The following SRP9 variants were observed in gnomAD, a reference collection of about 807,000 sequenced individuals.
The protein encoded by SRP9 is signal recognition particle 9 kDa protein.
In SRP9, 2 loss-of-function variants were observed where a neutral mutation model predicts 11.7. The observed-to-expected ratio is 0.17, with a 90% CI of 0.07 to 0.54. The LOEUF (loss-of-function observed/expected upper bound fraction) is 0.54. Among genes scored for constraint, SRP9 ranks in the 20% least tolerant of loss-of-function variants. The pLI is 0.94. For synonymous variants in SRP9, 27 were observed against 35.6 expected, an observed-to-expected ratio of 0.76 and a Z score of 0.86; for missense variants, 54 against 108.1, an observed-to-expected ratio of 0.50 and a Z score of 2.22.
chr1:225,782,169 T>G (rs1416261339), intron 1 of SRP9, among the ~76,000 whole-genome samples: 4 of 152,026 alleles, frequency 2.6e-5, no homozygotes, highest in Non-Finnish European at 5.9e-5. Flanking sequence ...TTATTTTATT[T>G]ATTTATTTTT....
At chr1:225,784,228 T>TC (rs1665853323) in intron 2 of SRP9, among the ~76,000 whole-genome samples, 1 of 94,572 alleles carries the variant, frequency 1.1e-5, no homozygotes, top group Non-Finnish European at 2.1e-5. Context: ...TATCACCTGT[T>TC]CTTTTTTTTT....
At chr1:225,788,414 ATTT>A (rs35284825) in intron 2 of SRP9, among the ~76,000 whole-genome samples, 9 of 127,994 alleles carry the variant, frequency 7.0e-5, no homozygotes, top group Admixed American at 1.6e-4. Flanking sequence ...GCAAATCAAG[ATTT>A]TTTTTTTTTT....
chr1:225,782,048 C>G (rs1319566701), intron 1 of SRP9, among the ~76,000 whole-genome samples: 1 of 152,038 alleles, frequency 6.6e-6, no homozygotes, highest in Non-Finnish European at 1.5e-5. Context: ...TCCATTAGCC[C>G]TTTTTATTTA....
intron 1 of SRP9, among the ~76,000 whole-genome samples, chr1:225,778,915 C>G (rs1454620391): frequency 2.0e-5 from 3 of 152,202 alleles, no homozygotes; most frequent in African/African-American, 7.2e-5. Context: ...TCAGTTATCT[C>G]TTTTATGCTG....
chr1:225,784,594 G>C (rs952555581), intron 2 of SRP9, among the ~76,000 whole-genome samples: 2 of 151,876 alleles, frequency 1.3e-5, no homozygotes, highest in Non-Finnish European at 2.9e-5. Context: ...TGTAATCCCA[G>C]CATTTTGGAA....
At chr1:225,784,000 G>GTT (rs1001266450) in intron 2 of SRP9, among the ~76,000 whole-genome samples, 8 of 145,758 alleles carry the variant, frequency 5.5e-5, no homozygotes, top group African/African-American at 1.8e-4. Flanking sequence ...TTTGCTGATT[G>GTT]TTTTTTTTTT....
At position 225,787,736 on chromosome 1, in the gene SRP9, T is replaced by C. The variant is rs1167882319; in HGVS notation, c.142-1504T>C. Reference sequence around the variant, plus strand: ...AATACTGTCTTCTATGGACCTAAAATCTTTTTCTGTCAGAAATTTCAGTGA... The same window carrying C: ...AATACTGTCTTCTATGGACCTAAAACCTTTTTCTGTCAGAAATTTCAGTGA... On this transcript the variant is annotated intron_variant, in intron 2 of 2. Coordinates refer to ENST00000304786, the MANE Select transcript of SRP9 (RefSeq NM_003133.6). Among the ~76,000 whole-genome samples, 5 of 152,194 alleles carry C rather than the reference T, an allele frequency of 3.3e-5. 1 individual carries two copies. The highest frequency in any genetic ancestry group is 6.5e-5 in the Admixed American group (1 of 15,274).
intron 2 of SRP9, among the ~76,000 whole-genome samples, chr1:225,783,674 G>A (rs1665840999): frequency 6.6e-6 from 1 of 152,194 alleles, no homozygotes; most frequent in Non-Finnish European, 1.5e-5. Flanking sequence ...GACAGTGTTT[G>A]AACACAACTT....
intron 2 of SRP9, chr1:225,786,735 A>G: frequency 8.9e-7 from 1 of 1,119,280 alleles, no homozygotes. Flanking sequence ...CCTCATCTGT[A>G]AAGTATCATA....
intron 1 of SRP9, among the ~76,000 whole-genome samples, chr1:225,779,355 A>C (rs2102645653): frequency 6.6e-6 from 1 of 152,190 alleles, no homozygotes; most frequent in African/African-American, 2.4e-5. Flanking sequence ...CATCTTGGCC[A>C]GGCTGGTCTG....
intron 1 of SRP9, among the ~76,000 whole-genome samples, chr1:225,779,627 A>G (rs183280790): frequency 6.6e-6 from 1 of 152,350 alleles, no homozygotes; most frequent in Admixed American, 6.5e-5. Context: ...TATTAGACCC[A>G]CAGAAAGACC....
intron 2 of SRP9, among the ~76,000 whole-genome samples, chr1:225,788,368 C>T (rs1665958054): frequency 6.6e-6 from 1 of 151,502 alleles, no homozygotes; most frequent in Admixed American, 6.6e-5. Context: ...ACCTGGGCCA[C>T]AGAGTGAGAC....
At position 225,777,995 on chromosome 1, in the gene SRP9, C is replaced by A. The variant is rs1217098384; in HGVS notation, c.55C>A (p.Leu19Ile). Residue 19 changes from leucine to isoleucine, a missense_variant, in exon 1 of 3, where the codon CTC becomes ATC. Leu to Ile is a conservative substitution (Grantham distance 5). Coordinates refer to ENST00000304786, the MANE Select transcript of SRP9 (RefSeq NM_003133.6). ...CAGCCGCGCTGCCGAGAAGCTTTAC[C>A]TCGCTGACCCTATGAAGGTAAATCG... is the stretch of plus-strand genomic sequence containing the variant. Reference protein sequence around the residue: ...EFSRAAEKLYLADPMKARVVL... With the variant: ...EFSRAAEKLYIADPMKARVVL... 1.2e-6 allele frequency: 2 copies of A among 1,614,254 alleles called. No homozygotes were observed. The highest frequency in any genetic ancestry group is 8.5e-7 in the Non-Finnish European group (1 of 1,180,042).
At chr1:225,779,184 G>C (rs1357302529) in intron 1 of SRP9, among the ~76,000 whole-genome samples, 1 of 146,950 alleles carries the variant, frequency 6.8e-6, no homozygotes. Flanking sequence ...TCGCACTGTC[G>C]CCCGGACTGG....
intron 1 of SRP9, among the ~76,000 whole-genome samples, chr1:225,778,726 CTT>C (rs1665735321): frequency 6.6e-6 from 1 of 152,152 alleles, no homozygotes; most frequent in Non-Finnish European, 1.5e-5. Context: ...TCGGGTCTTA[CTT>C]TTCGTCTCTT....
chr1:225,783,514 C>T (rs1042105618), intron 2 of SRP9, 146 bp downstream of exon 2: 40 of 645,968 alleles, frequency 6.2e-5, no homozygotes, highest in Non-Finnish European at 7.1e-5. Flanking sequence ...CTCATTCTAG[C>T]AGCTACTTTT....
chr1:225,784,860 A>G (rs1049010830), intron 2 of SRP9, among the ~76,000 whole-genome samples: 1 of 151,986 alleles, frequency 6.6e-6, no homozygotes, highest in African/African-American at 2.4e-5. Context: ...AAACAAAAAA[A>G]CTAGCTGCTT....
intron 1 of SRP9, among the ~76,000 whole-genome samples, chr1:225,781,696 A>G (rs1665804365): frequency 6.6e-6 from 1 of 152,162 alleles, no homozygotes; most frequent in African/African-American, 2.4e-5. Context: ...GCACCCAGCC[A>G]TGATTGGCCT....
chr1:225,778,153 C>T (rs1000955648), intron 1 of SRP9, 141 bp downstream of exon 1: 3 of 941,714 alleles, frequency 3.2e-6, no homozygotes, highest in Admixed American at 5.2e-5. Flanking sequence ...TAATGTTCTG[C>T]TCTCTCGTCC....
Sources: allele counts gnomAD v4.1 joint callset (sites outside exome capture counted in the v4.1 genomes callset), GRCh38; gene constraint gnomAD v4.1.1; transcripts MANE v1.5; gene names NCBI Gene and HGNC (gene_info 2026-07-23, HGNC 2026-07-21).